Variants in RASEF observed in about 807,000 individuals in gnomAD.
RASEF encodes ras and EF-hand domain-containing protein.
RASEF carries 68 observed loss-of-function variants against 90.1 expected under a neutral mutation model. That is an observed-to-expected ratio of 0.75 (90% confidence interval 0.62 to 0.92). The LOEUF (loss-of-function observed/expected upper bound fraction) is 0.92. Among genes scored for constraint, RASEF ranks in the 40% least tolerant of loss-of-function variants. The pLI is 0.00. For synonymous variants in RASEF, 331 were observed against 345.2 expected, an observed-to-expected ratio of 0.96 and a Z score of 0.46; for missense variants, 949 against 937.2, an observed-to-expected ratio of 1.01 and a Z score of -0.16.
At position 83,015,463 on chromosome 9, in the gene RASEF, C is replaced by CT. The variant is rs544409944; in HGVS notation, c.765+341dup. On this transcript the variant is annotated intron_variant, in intron 4 of 16. Transcript: ENST00000376447. ...TGGGAGGCTGAAGTGGGTGGATCACCTGAGGTCAGGAGTTTGAGACCAGCC... is the reference window on the plus strand; with the variant it reads ...TGGGAGGCTGAAGTGGGTGGATCACCTTGAGGTCAGGAGTTTGAGACCAGCC... Among the ~76,000 whole-genome samples, 1,457 of 152,272 alleles carry CT rather than the reference C, an allele frequency of 9.6e-3. 10 individuals are homozygous for CT. The highest frequency in any genetic ancestry group is 0.025 in the South Asian group (120 of 4,824).
chr9:83,144,257 C>A, the RASEF span, among the ~76,000 whole-genome samples: 4 of 147,644 alleles, frequency 2.7e-5, no homozygotes, highest in Non-Finnish European at 5.9e-5. Flanking sequence ...TGCAATATAC[C>A]CATGTAACAA....
intron 1 of RASEF, among the ~76,000 whole-genome samples, chr9:83,039,240 C>T (rs1467425962): frequency 6.6e-6 from 1 of 152,112 alleles, no homozygotes; most frequent in Non-Finnish European, 1.5e-5. Context: ...AATCCCTCCC[C>T]TCCTATCCCC....
chr9:83,057,494 C>A (rs1444266022), intron 1 of RASEF, among the ~76,000 whole-genome samples: 1 of 152,118 alleles, frequency 6.6e-6, no homozygotes, highest in East Asian at 1.9e-4. Flanking sequence ...AAGCAAAAAG[C>A]TACAGAATAG....
chr9:83,163,996 G>GA, the RASEF span, among the ~76,000 whole-genome samples: 44,233 of 140,582 alleles, frequency 0.31, 6,900 homozygotes, highest in African/African-American at 0.36. Context: ...TACTTGAGAG[G>GA]AAAAAAAAAA....
chr9:83,201,431 G>GA, the RASEF span, among the ~76,000 whole-genome samples: 1 of 152,214 alleles, frequency 6.6e-6, no homozygotes, highest in Non-Finnish European at 1.5e-5. Flanking sequence ...TCTTGGAAGA[G>GA]GCCTTGGTAA....
chr9:83,100,749 C>T, the RASEF span, among the ~76,000 whole-genome samples: 1 of 152,174 alleles, frequency 6.6e-6, no homozygotes, highest in Non-Finnish European at 1.5e-5. Context: ...GATGCTGCTA[C>T]TTCTGACACA....
the RASEF span, among the ~76,000 whole-genome samples, chr9:83,134,720 G>A: frequency 6.6e-6 from 1 of 152,000 alleles, no homozygotes; most frequent in Admixed American, 6.6e-5. Flanking sequence ...TATTAAACAC[G>A]GAGTTATCAT....
At chr9:82,996,881 C>T in intron 14 of RASEF, 131 bp downstream of exon 14, 1 of 622,646 alleles carries the variant, frequency 1.6e-6, no homozygotes, top group Admixed American at 2.5e-5. Context: ...CTGTAGCATC[C>T]AATTCTTCCT....
chr9:83,000,496 C>T lies in RASEF; in HGVS notation c.1512G>A (p.Gly504=). The change falls in exon 11 of 17, where the codon GGG becomes GGA. Residue 504 remains glycine, a synonymous_variant. Transcript: ENST00000376447. ...VASVLDWKPQ[G]SVSEGSIVSS... ...TAACAATGCTGCCTTCACTAACAGACCCTTGGGGCTTCCAGTCTAAGACGG... is the reference window on the plus strand; with the variant it reads ...TAACAATGCTGCCTTCACTAACAGATCCTTGGGGCTTCCAGTCTAAGACGG... 1 of 1,614,042 alleles carries T rather than the reference C, an allele frequency of 6.2e-7. No homozygotes were observed. The highest frequency in any genetic ancestry group is 8.5e-7 in the Non-Finnish European group (1 of 1,179,926).
chr9:83,007,210 A>C (rs1829151308), intron 7 of RASEF, among the ~76,000 whole-genome samples: 1 of 152,030 alleles, frequency 6.6e-6, no homozygotes, highest in Non-Finnish European at 1.5e-5. Flanking sequence ...ACTTCCCAAG[A>C]TGTTTAGAGA....
At chr9:82,989,222 A>AAG (rs1554704891) in intron 16 of RASEF, among the ~76,000 whole-genome samples, 1 of 151,390 alleles carries the variant, frequency 6.6e-6, no homozygotes, top group South Asian at 2.1e-4. Context: ...GTATGTGTGC[A>AAG]TGTGTGCGTG....
At chr9:83,033,044 T>C (rs1285073391) in intron 1 of RASEF, among the ~76,000 whole-genome samples, 1 of 152,178 alleles carries the variant, frequency 6.6e-6, no homozygotes, top group Non-Finnish European at 1.5e-5. Flanking sequence ...TCCCAAGTCA[T>C]GCTGATTTAA....
chr9:83,068,875 C>T, the RASEF span, among the ~76,000 whole-genome samples: 1 of 152,200 alleles, frequency 6.6e-6, no homozygotes, highest in African/African-American at 2.4e-5. Flanking sequence ...GGTTGCAGAA[C>T]ATGACAGGTT....
At chr9:83,117,277 A>T in the RASEF span, among the ~76,000 whole-genome samples, 1 of 152,214 alleles carries the variant, frequency 6.6e-6, no homozygotes, top group African/African-American at 2.4e-5. Flanking sequence ...GGAGTTAGTT[A>T]TAGAGGTACA....
At chr9:83,026,402 C>T (rs959475745) in intron 1 of RASEF, among the ~76,000 whole-genome samples, 3 of 152,082 alleles carry the variant, frequency 2.0e-5, no homozygotes, top group African/African-American at 4.8e-5. Flanking sequence ...CTCACAGTTC[C>T]ACATGACTGG....
chr9:83,000,026 CACACACACACAT>C (rs1828997204), intron 12 of RASEF, 131 bp downstream of exon 12: 1 of 454,722 alleles, frequency 2.2e-6, no homozygotes, highest in South Asian at 2.6e-5. Context: ...CACACACACA[CACACACACACAT>C]TTATATATGT....
intron 1 of RASEF, among the ~76,000 whole-genome samples, chr9:83,060,653 T>C (rs953170093): frequency 6.6e-6 from 1 of 152,178 alleles, no homozygotes; most frequent in African/African-American, 2.4e-5. Context: ...GGTCAACAGC[T>C]GTATGAGGAA....
At chr9:83,115,271 T>C in the RASEF span, among the ~76,000 whole-genome samples, 2 of 152,206 alleles carry the variant, frequency 1.3e-5, no homozygotes, top group Non-Finnish European at 2.9e-5. Context: ...TAGTAAAGAA[T>C]GTTATCCTAA....
At chr9:83,068,470 C>T in the RASEF span, among the ~76,000 whole-genome samples, 1 of 152,214 alleles carries the variant, frequency 6.6e-6, no homozygotes, top group African/African-American at 2.4e-5. Context: ...TGAAGATAGC[C>T]TCTAAGGAGC....
Sources: allele counts gnomAD v4.1 joint callset (sites outside exome capture counted in the v4.1 genomes callset), GRCh38; gene constraint gnomAD v4.1.1; transcripts MANE v1.5; gene names NCBI Gene and HGNC (gene_info 2026-07-23, HGNC 2026-07-21).